EBF1: variants seen among roughly 807,000 people sequenced by gnomAD.
EBF1 encodes EBF transcription factor 1.
A neutral mutation model predicts 68.4 loss-of-function variants in EBF1; 10 were observed. The ratio of observed to expected loss-of-function variants is 0.15; its 90% CI spans 0.09 to 0.25. The LOEUF (loss-of-function observed/expected upper bound fraction) is 0.25. Ranked by LOEUF, EBF1 falls within the 10% of genes least tolerant of loss-of-function variation. The pLI is 1.00. For synonymous variants in EBF1, 298 were observed against 299.8 expected (o/e 0.99, Z 0.06); for missense variants, 509 against 794.4 (o/e 0.64, Z 4.32).
intron 6 of EBF1, among the ~76,000 whole-genome samples, chr5:158,870,600 C>A (rs1234117458): frequency 6.6e-6 from 1 of 151,966 alleles, no homozygotes; most frequent in African/African-American, 2.4e-5. Context: ...CACCTGAGCC[C>A]AAGAGGTCAA....
chr5:158,858,611 C>T (rs1794462570), intron 6 of EBF1, among the ~76,000 whole-genome samples: 1 of 152,182 alleles, frequency 6.6e-6, no homozygotes, highest in Non-Finnish European at 1.5e-5. Context: ...GGCTGTCCCC[C>T]AAAATCTCCC....
At chr5:158,836,169 G>A (rs1788742954) in intron 7 of EBF1, among the ~76,000 whole-genome samples, 1 of 152,178 alleles carries the variant, frequency 6.6e-6, no homozygotes, top group Admixed American at 6.5e-5. Context: ...GGGGCTGACT[G>A]AGTTGAAGTT....
intron 7 of EBF1, among the ~76,000 whole-genome samples, chr5:158,826,772 G>A (rs1786229685): frequency 6.6e-6 from 1 of 152,092 alleles, no homozygotes; most frequent in East Asian, 1.9e-4. Flanking sequence ...CAAAAAAGAA[G>A]TTTCTAGCTA....
At chr5:158,989,558 C>A (rs557266414) in intron 6 of EBF1, among the ~76,000 whole-genome samples, 3 of 152,158 alleles carry the variant, frequency 2.0e-5, no homozygotes, top group African/African-American at 7.2e-5. Context: ...AGAAACCTGG[C>A]GGGGACACAG....
At chr5:158,891,806 A>G (rs1034851325) in intron 6 of EBF1, among the ~76,000 whole-genome samples, 1 of 152,156 alleles carries the variant, frequency 6.6e-6, no homozygotes, top group Non-Finnish European at 1.5e-5. Flanking sequence ...TCCAGTTCCT[A>G]TGAACTAGAA....
At chr5:159,003,917 G>A (rs1198258895) in intron 6 of EBF1, among the ~76,000 whole-genome samples, 1 of 152,198 alleles carries the variant, frequency 6.6e-6, no homozygotes, top group African/African-American at 2.4e-5. Context: ...AGCCAGAACT[G>A]TGAGACACTA....
chr5:158,990,924 C>T (rs1760180163), intron 6 of EBF1, among the ~76,000 whole-genome samples: 1 of 152,144 alleles, frequency 6.6e-6, no homozygotes, highest in Admixed American at 6.6e-5. Flanking sequence ...CACCCATGGG[C>T]CAATTGATAA....
chr5:159,091,300 G>T (rs1031061659), intron 4 of EBF1, among the ~76,000 whole-genome samples: 1 of 152,112 alleles, frequency 6.6e-6, no homozygotes, highest in African/African-American at 2.4e-5. Context: ...CATCAGCTTT[G>T]TTTTCACCCC....
At chr5:158,950,914 C>T (rs1173970975) in intron 6 of EBF1, among the ~76,000 whole-genome samples, 1 of 152,140 alleles carries the variant, frequency 6.6e-6, no homozygotes, top group African/African-American at 2.4e-5. Flanking sequence ...CAATTGTTGC[C>T]ATGTGGGATG....
At position 158,906,584 on chromosome 5, in the gene EBF1, C is replaced by G. The variant is rs115994128; in HGVS notation, c.555-66474G>C. Among the ~76,000 whole-genome samples the G allele has an allele frequency of 4.6e-3, 698 of 152,286 alleles. 4 individuals are homozygous for G. The highest frequency in any genetic ancestry group is 0.015 in the African/African-American group (643 of 41,558). On this transcript the variant is annotated intron_variant, in intron 6 of 15. Coordinates refer to ENST00000313708, the MANE Select transcript of EBF1 (RefSeq NM_024007.5). ...CTCACCACGAAGCAGAGGCTGTGCTCTGTACTTGGTCTTACTGAATTTTGA... is the reference window on the plus strand; with the variant it reads ...CTCACCACGAAGCAGAGGCTGTGCTGTGTACTTGGTCTTACTGAATTTTGA...
Position 158,699,463 on chromosome 5 carries a change from C to T in EBF1, c.1745-321G>A, listed in dbSNP as rs117337432. 5.2e-4 allele frequency among the ~76,000 whole-genome samples: 79 copies of T among 152,314 alleles called. No homozygotes were observed. The East Asian group carries it at 0.013, about 26-fold the overall frequency. On this transcript the variant is annotated intron_variant, in intron 15 of 15. Transcript: ENST00000313708. ...AATACCACTGGGAAAGTTGCAGCTT[C>T]GAACCTTGCAAAATAGTGAGAATTT...
intron 6 of EBF1, among the ~76,000 whole-genome samples, chr5:159,060,650 T>TTTAG (rs1324414894): frequency 3.3e-5 from 5 of 152,132 alleles, no homozygotes; most frequent in Non-Finnish European, 7.4e-5. Context: ...TCAAATTGAA[T>TTTAG]TTAGTGCTGT....
intron 6 of EBF1, among the ~76,000 whole-genome samples, chr5:158,877,868 C>T (rs529614892): frequency 9.2e-5 from 14 of 151,984 alleles, no homozygotes; most frequent in African/African-American, 2.9e-4. Context: ...AAGTCATTTC[C>T]GGTCGCCATA....
intron 11 of EBF1, among the ~76,000 whole-genome samples, chr5:158,729,290 C>T (rs778194396): frequency 3.9e-5 from 6 of 152,212 alleles, no homozygotes; most frequent in African/African-American, 7.2e-5. Context: ...CTTTGTCCAA[C>T]CTGACTCTCC....
At chr5:158,786,470 C>T (rs981110127) in intron 9 of EBF1, among the ~76,000 whole-genome samples, 1 of 151,550 alleles carries the variant, frequency 6.6e-6, no homozygotes, top group Admixed American at 6.6e-5. Context: ...AGATCTTGTG[C>T]CAGTTGGGCC....
intron 6 of EBF1, among the ~76,000 whole-genome samples, chr5:159,047,282 G>C (rs1772610816): frequency 6.6e-6 from 1 of 152,234 alleles, no homozygotes. Flanking sequence ...AGATGAGTAA[G>C]AAAGTTGGCT....
Position 158,931,426 on chromosome 5 carries a change from C to T in EBF1, c.555-91316G>A, listed in dbSNP as rs546586479. Among the ~76,000 whole-genome samples the T allele has an allele frequency of 1.6e-3, 250 of 152,252 alleles. 2 individuals carry two copies. The highest frequency in any genetic ancestry group is 2.3e-3 in the Non-Finnish European group (158 of 68,028). ...TATTCATGTTTTGGGCTGGTTTGAT[C>T]CTAGAGCAAGGGGTTGAATTAGATG... On this transcript the variant is annotated intron_variant, in intron 6 of 15. Coordinates refer to ENST00000313708, the MANE Select transcript of EBF1 (RefSeq NM_024007.5).
intron 6 of EBF1, among the ~76,000 whole-genome samples, chr5:159,055,229 T>C (rs1050055162): frequency 6.6e-6 from 1 of 152,210 alleles, no homozygotes; most frequent in Non-Finnish European, 1.5e-5. Context: ...TAATAGGTAC[T>C]GTCCAATGTC....
intron 6 of EBF1, among the ~76,000 whole-genome samples, chr5:158,972,895 G>A (rs1345219554): frequency 6.6e-6 from 1 of 152,150 alleles, no homozygotes; most frequent in East Asian, 1.9e-4. Context: ...TTCCTGCCCT[G>A]TGTTTGCTTC....
Sources: allele counts gnomAD v4.1 joint callset (sites outside exome capture counted in the v4.1 genomes callset), GRCh38; gene constraint gnomAD v4.1.1; transcripts MANE v1.5; gene names NCBI Gene and HGNC (gene_info 2026-07-23, HGNC 2026-07-21).